The following GNB1 variants were observed in gnomAD, a reference collection of about 807,000 sequenced individuals.
The protein encoded by GNB1 is G protein subunit beta 1, also known as guanine nucleotide-binding protein G(I)/G(S)/G(T) subunit beta-1.
In GNB1, 2 loss-of-function variants were observed where a neutral mutation model predicts 42.9. The observed-to-expected ratio is 0.05, with a 90% CI of 0.02 to 0.15. The LOEUF is 0.15. Among genes scored for constraint, GNB1 ranks in the 10% least tolerant of loss-of-function variants. The pLI is 1.00. For missense variants in GNB1, 193 were observed against 462.2 expected (o/e 0.42, Z 5.34); for synonymous variants, 183 against 174.7 (o/e 1.05, Z -0.38).
intron 1 of GNB1, among the ~76,000 whole-genome samples, chr1:1,864,314 C>CAAAAAAAAAAAAAAA (rs1173466617): frequency 1.2e-3 from 47 of 37,916 alleles, no homozygotes; most frequent in African/African-American, 1.9e-3. Flanking sequence ...AAGACTCTCT[C>CAAAAAAAAAAAAAAA]AAAAAAAAAA....
rs1013293460 is a variant in GNB1, at chr1:1,787,587, C to T, written c.917-150G>A. 5 of 557,368 alleles carry T rather than the reference C, an allele frequency of 9.0e-6. No individual in the cohort carries two copies. In the East Asian group the frequency reaches 9.1e-5, roughly 10 times the overall value. The allele number at this position is 557,368 out of a possible 1,614,324, so 34.5% of individuals were successfully genotyped here. On this transcript the variant is annotated intron_variant, in intron 10 of 11. Coordinates refer to ENST00000378609, the MANE Select transcript of GNB1 (RefSeq NM_002074.5). The surrounding 1 kb of genome is among the most constrained non-coding windows in gnomAD (Gnocchi z 4.4). The stretch of plus-strand genomic sequence containing the variant: ...AGGAAGGGAGGGAAAGTTGCATCCA[C>T]GTGGGGAATTAACCTGCAGCATATG...
chr1:1,849,041 G>C (rs755186132), intron 1 of GNB1, among the ~76,000 whole-genome samples: 4 of 152,308 alleles, frequency 2.6e-5, no homozygotes, highest in Admixed American at 6.5e-5. Flanking sequence ...GACATTAGAC[G>C]GTTGGGGTTT....
intron 1 of GNB1, among the ~76,000 whole-genome samples, chr1:1,855,898 G>C (rs760556031): frequency 1.3e-5 from 2 of 152,230 alleles, no homozygotes; most frequent in Non-Finnish European, 2.9e-5. Flanking sequence ...GAGTGAAGTT[G>C]ACAGCACTGA....
intron 1 of GNB1, among the ~76,000 whole-genome samples, chr1:1,847,355 C>T (rs1647724153): frequency 2.0e-5 from 3 of 152,154 alleles, no homozygotes; most frequent in Admixed American, 2.0e-4. Flanking sequence ...TCAGGAAGTA[C>T]ACTTTGCCAG....
At chr1:1,867,409 C>CA (rs1649003912) in intron 1 of GNB1, among the ~76,000 whole-genome samples, 1 of 152,106 alleles carries the variant, frequency 6.6e-6, no homozygotes, top group Non-Finnish European at 1.5e-5. Context: ...GAGGATATAC[C>CA]AGGAAATAAA....
At chr1:1,813,615 T>G (rs2100827973) in intron 5 of GNB1, among the ~76,000 whole-genome samples, 1 of 152,120 alleles carries the variant, frequency 6.6e-6, no homozygotes, top group Non-Finnish European at 1.5e-5. Flanking sequence ...CTCGGCCTCC[T>G]AAGTAGCTGG....
chr1:1,810,956 C>T (rs1646768315), intron 5 of GNB1, among the ~76,000 whole-genome samples: 2 of 151,546 alleles, frequency 1.3e-5, no homozygotes, highest in African/African-American at 4.8e-5. Context: ...GCGTGAACCA[C>T]GGTGCCTGGC....
In GNB1 at chr1:1,836,074, A is replaced by T. The variant is rs530597617; in HGVS notation, c.-47+3116T>A. On this transcript the variant is annotated intron_variant, in intron 2 of 11. Coordinates refer to ENST00000378609, the MANE Select transcript of GNB1 (RefSeq NM_002074.5). ...CATTGTACTCCAGTCTAAGAGACAG[A>T]GTGAGACCCTATTTCAAAAAAACAA... Among the ~76,000 whole-genome samples the T allele has an allele frequency of 2.2e-4, 33 of 152,132 alleles. No homozygotes were observed. In the South Asian group the frequency reaches 4.8e-3, roughly 22 times the overall value.
chr1:1,821,716 C>G (rs966889065), intron 3 of GNB1, among the ~76,000 whole-genome samples: 2 of 152,242 alleles, frequency 1.3e-5, no homozygotes, highest in Non-Finnish European at 2.9e-5. Flanking sequence ...GGGCCATGAC[C>G]TGCCTGTGGC....
At chr1:1,798,081 T>C (rs1646570953) in intron 7 of GNB1, among the ~76,000 whole-genome samples, 1 of 151,956 alleles carries the variant, frequency 6.6e-6, no homozygotes, top group Non-Finnish European at 1.5e-5. Context: ...AGAGCAGAGG[T>C]GTTTTCTTCA....
At chr1:1,820,356 T>TAAAAAAAAAA (rs35466451) in intron 3 of GNB1, among the ~76,000 whole-genome samples, 1 of 101,870 alleles carries the variant, frequency 9.8e-6, no homozygotes. Flanking sequence ...AGACTCTGTT[T>TAAAAAAAAAA]AAAAAAAAAA....
chr1:1,885,831 T>C (rs1205602077), intron 1 of GNB1, among the ~76,000 whole-genome samples: 1 of 149,366 alleles, frequency 6.7e-6, no homozygotes, highest in African/African-American at 2.5e-5. Context: ...GTGCTGGGAT[T>C]ACAGGCGTGA....
chr1:1,794,230 G>A (rs1366491850), intron 7 of GNB1: 3 of 152,150 alleles, frequency 2.0e-5, no homozygotes, highest in Non-Finnish European at 4.4e-5. Context: ...ATGATGACTG[G>A]TCTCTACTAA....
intron 1 of GNB1, among the ~76,000 whole-genome samples, chr1:1,874,690 C>CT: frequency 6.7e-6 from 1 of 148,702 alleles, no homozygotes; most frequent in South Asian, 2.1e-4. Flanking sequence ...ACTTGGGAGA[C>CT]TGAGACAGGA....
intron 1 of GNB1, among the ~76,000 whole-genome samples, chr1:1,885,733 T>G (rs1036918853): frequency 1.5e-4 from 23 of 150,824 alleles, no homozygotes; most frequent in African/African-American, 5.6e-4. Flanking sequence ...ATTTTTTTGG[T>G]ATTTTTAGTA....
chr1:1,855,719 A>T (rs927579038), intron 1 of GNB1, among the ~76,000 whole-genome samples: 3 of 152,210 alleles, frequency 2.0e-5, no homozygotes, highest in Non-Finnish European at 1.5e-5. Flanking sequence ...AAAAACAAAA[A>T]AAAACTCCCA....
At chr1:1,856,999 C>G (rs1260601228) in intron 1 of GNB1, among the ~76,000 whole-genome samples, 1 of 152,214 alleles carries the variant, frequency 6.6e-6, no homozygotes, top group Non-Finnish European at 1.5e-5. Context: ...TTAATCACTT[C>G]AGGTATTTTC....
chr1:1,866,933 C>T (rs1648974100), intron 1 of GNB1, among the ~76,000 whole-genome samples: 1 of 150,594 alleles, frequency 6.6e-6, no homozygotes, highest in African/African-American at 2.5e-5. Flanking sequence ...CAACCTGGGG[C>T]ACACAGGGAG....
chr1:1,813,544 G>C (rs1267035713), intron 5 of GNB1, among the ~76,000 whole-genome samples: 1 of 152,200 alleles, frequency 6.6e-6, no homozygotes, highest in Non-Finnish European at 1.5e-5. Flanking sequence ...ACACAGTGGG[G>C]TGATCTGGAA....
Sources: allele counts gnomAD v4.1 joint callset (sites outside exome capture counted in the v4.1 genomes callset), GRCh38; gene constraint gnomAD v4.1.1; non-coding constraint Gnocchi (gnomAD v3.1); transcripts MANE v1.5; gene names NCBI Gene and HGNC (gene_info 2026-07-23, HGNC 2026-07-21).